Variants in ACTN4 observed in about 807,000 individuals in gnomAD.
The protein encoded by ACTN4 is actinin alpha 4.
A neutral mutation model predicts 114.2 loss-of-function variants in ACTN4; 18 were observed. The ratio of observed to expected loss-of-function variants is 0.16; its 90% CI spans 0.11 to 0.23. The LOEUF (loss-of-function observed/expected upper bound fraction) is 0.23. ACTN4 is among the 10% of genes least tolerant of loss of function. ACTN4 has a pLI of 1.00. For synonymous variants in ACTN4, 515 were observed against 506.3 expected, an observed-to-expected ratio of 1.02 and a Z score of -0.23; for missense variants, 722 against 1,262.9, an observed-to-expected ratio of 0.57 and a Z score of 6.49.
intron 1 of ACTN4, among the ~76,000 whole-genome samples, chr19:38,687,197 C>T (rs997393015): frequency 6.6e-6 from 1 of 151,872 alleles, no homozygotes; most frequent in African/African-American, 2.4e-5. Flanking sequence ...GTCTTGAACT[C>T]CTGACCTCAA....
chr19:38,669,441 T>C (rs953818579), intron 1 of ACTN4, among the ~76,000 whole-genome samples: 6 of 152,274 alleles, frequency 3.9e-5, no homozygotes, highest in Non-Finnish European at 5.9e-5. Context: ...AATTTCTACA[T>C]TGGAAAGGCA....
chr19:38,651,746 G>T (rs1040897909), intron 1 of ACTN4, among the ~76,000 whole-genome samples: 4 of 150,994 alleles, frequency 2.6e-5, no homozygotes, highest in African/African-American at 4.9e-5. Flanking sequence ...GTTTTGTTTT[G>T]TTTTTTTTGA....
chr19:38,729,239 G>C (rs559939468), intron 20 of ACTN4, 35 bp from the exon 21 acceptor site: 58 of 1,612,380 alleles, frequency 3.6e-5, no homozygotes, highest in Non-Finnish European at 4.7e-5. Context: ...GTGTGTGGGT[G>C]GGGATGGCTC....
At chr19:38,673,810 G>A (rs1467756709) in intron 1 of ACTN4, among the ~76,000 whole-genome samples, 2 of 80,790 alleles carry the variant, frequency 2.5e-5, no homozygotes, top group Non-Finnish European at 4.5e-5. Flanking sequence ...TTTTTGTGAT[G>A]GAGTCTCTAT....
chr19:38,703,537 C>T (rs1270329832), intron 3 of ACTN4, among the ~76,000 whole-genome samples: 2 of 152,238 alleles, frequency 1.3e-5, no homozygotes, highest in East Asian at 1.9e-4. Context: ...CCACCACAGC[C>T]GGCCGCAAAT....
At chr19:38,673,636 T>TATTTATATATTTATATATA (rs1967248462) in intron 1 of ACTN4, among the ~76,000 whole-genome samples, 1 of 52,248 alleles carries the variant, frequency 1.9e-5, no homozygotes, top group Admixed American at 2.5e-4. Context: ...TTCATATATA[T>TATTTATATATTTATATATA]TTATATATAT....
chr19:38,714,965 G>A (rs1968791221), intron 9 of ACTN4, among the ~76,000 whole-genome samples: 1 of 152,214 alleles, frequency 6.6e-6, no homozygotes, highest in Non-Finnish European at 1.5e-5. Flanking sequence ...CCCTGTGCAG[G>A]TGCTTAACGA....
Position 38,727,542 on chromosome 19 carries a change from G to T in ACTN4, c.2338-404G>T, listed in dbSNP as rs560496961. 6.6e-6 allele frequency among the ~76,000 whole-genome samples: 1 copy of T among 151,816 alleles called. No individual in the cohort carries two copies. Among genetic ancestry groups the T allele is most frequent in the African/African-American group, 2.4e-5 (1 of 41,400 alleles). ...CCCTGCCGGGCTGACGGACTGAGAAGTGTGCAGCCTCAGCTCTGCACCTGG... is the reference window on the plus strand; with the variant it reads ...CCCTGCCGGGCTGACGGACTGAGAATTGTGCAGCCTCAGCTCTGCACCTGG... On this transcript the variant is annotated intron_variant, in intron 18 of 20. Transcript: ENST00000252699. The surrounding 1 kb of genome is among the most constrained non-coding windows in gnomAD (Gnocchi z 5.4).
intron 11 of ACTN4, among the ~76,000 whole-genome samples, 175 bp from the exon 12 acceptor site, chr19:38,721,363 A>C (rs1165636749): frequency 6.6e-6 from 1 of 152,226 alleles, no homozygotes; most frequent in African/African-American, 2.4e-5. Context: ...AGTTGGGCTT[A>C]GAGATCCCTG....
At chr19:38,726,927 G>A (rs1054825442) in intron 17 of ACTN4, 30 bp from the exon 18 acceptor site, 8 of 1,612,786 alleles carry the variant, frequency 5.0e-6, no homozygotes, top group Non-Finnish European at 6.8e-6. Context: ...ACAGCACCCG[G>A]CCCACGATCA....
intron 6 of ACTN4, among the ~76,000 whole-genome samples, chr19:38,708,963 G>C (rs977218920): frequency 6.6e-6 from 1 of 152,154 alleles, no homozygotes; most frequent in Admixed American, 6.5e-5. Flanking sequence ...GAGCCTGTGA[G>C]GGGGCTGGGG....
chr19:38,675,864 G>T (rs1173044468), intron 1 of ACTN4, among the ~76,000 whole-genome samples: 1 of 152,184 alleles, frequency 6.6e-6, no homozygotes, highest in Admixed American at 6.5e-5. Flanking sequence ...TGTGTTGTTG[G>T]GTGCTGAGAG....
Position 38,725,911 on chromosome 19 carries a change from G to T in ACTN4, c.2190+8G>T. ...ACCAACTATACCATGGAGGTGCGCG[G>T]CTGCCCCGCCCGCTGGCCTTTCCAC... On this transcript the variant is annotated splice_region_variant and intron_variant, in intron 17 of 20. Transcript: ENST00000252699. 1 of 1,613,502 alleles carries T rather than the reference G, an allele frequency of 6.2e-7. No individual in the cohort carries two copies.
Position 38,729,958 on chromosome 19 carries a change from G to T in ACTN4, c.*526G>T. On this transcript the variant is annotated 3_prime_UTR_variant, in exon 21 of 21. Coordinates refer to ENST00000252699, the MANE Select transcript of ACTN4 (RefSeq NM_004924.6). ...GACTCACTTGCCATTGCCAGGAGAT[G>T]GCCCCAACAAGCACCCCGCTTTTGC... 3.0e-6 allele frequency: 1 copy of T among 328,316 alleles called. No homozygotes were observed. The highest frequency in any genetic ancestry group is 2.4e-5 in the South Asian group (1 of 41,824). The allele number at this position is 328,316 out of a possible 1,614,324, so 20.3% of individuals were successfully genotyped here.
chr19:38,718,426 CT>C (rs1568738441), intron 11 of ACTN4, among the ~76,000 whole-genome samples: 1 of 152,072 alleles, frequency 6.6e-6, no homozygotes, highest in Non-Finnish European at 1.5e-5. Context: ...GTCCCAGCTA[CT>C]TTGGAGGCTG....
At chr19:38,649,828 T>C (rs982947727) in intron 1 of ACTN4, among the ~76,000 whole-genome samples, 2 of 151,788 alleles carry the variant, frequency 1.3e-5, no homozygotes, top group Non-Finnish European at 2.9e-5. Context: ...CAGCCTGAGG[T>C]GGGGCCGGGC....
At chr19:38,686,524 C>T (rs1447362223) in intron 1 of ACTN4, among the ~76,000 whole-genome samples, 1 of 152,184 alleles carries the variant, frequency 6.6e-6, no homozygotes, top group African/African-American at 2.4e-5. Flanking sequence ...AGGCCCCAGC[C>T]TCTGCTGCTG....
chr19:38,730,196 ATTACTATTTACT>A lies in ACTN4; in HGVS notation c.*768_*779del, dbSNP rs1299135522. On this transcript the variant is annotated 3_prime_UTR_variant, in exon 21 of 21. Transcript: ENST00000252699. Reference sequence around the variant, plus strand: ...AGAAAGAATTAAAAACTTTCAGAGAATTACTATTTACTTTATTAACTTACGGATTTATTATAT... The same window carrying A: ...AGAAAGAATTAAAAACTTTCAGAGAATTATTAACTTACGGATTTATTATAT... 1.3e-5 allele frequency: 2 copies of A among 157,290 alleles called. No individual in the cohort carries two copies. The highest frequency in any genetic ancestry group is 2.8e-5 in the Non-Finnish European group (2 of 70,930). 9.7% of individuals were successfully genotyped at this position (157,290 alleles called of 1,614,324 possible).
chr19:38,698,404 A>G (rs1009647780), intron 1 of ACTN4, among the ~76,000 whole-genome samples: 1 of 152,092 alleles, frequency 6.6e-6, no homozygotes, highest in South Asian at 2.1e-4. Flanking sequence ...TGGGAAGGTG[A>G]GTTAGTACTC....
Sources: gnomAD v4.1 joint callset for allele counts (sites outside exome capture counted in the v4.1 genomes callset) on GRCh38, gnomAD v4.1.1 for gene constraint, Gnocchi (gnomAD v3.1) non-coding constraint, MANE v1.5 for transcripts, NCBI Gene and HGNC (gene_info 2026-07-23, HGNC 2026-07-21) for gene names.